TAFA4: variants seen among roughly 807,000 people sequenced by gnomAD.
TAFA4 encodes the protein chemokine-like protein TAFA-4.
TAFA4 carries 20 observed loss-of-function variants against 21.1 expected under a neutral mutation model. The observed-to-expected ratio is 0.95, with a 90% CI of 0.67 to 1.38. TAFA4 has a LOEUF of 1.38. Ranked by LOEUF, TAFA4 falls within the 40% of genes most tolerant of loss-of-function variation. TAFA4 has a pLI of 0.00. For synonymous variants in TAFA4, 71 were observed against 67.4 expected, an observed-to-expected ratio of 1.05 and a Z score of -0.26; for missense variants, 211 against 180.9, an observed-to-expected ratio of 1.17 and a Z score of -0.95.
intron 3 of TAFA4, among the ~76,000 whole-genome samples, chr3:68,844,717 G>C (rs1046583628): frequency 6.6e-6 from 1 of 152,158 alleles, no homozygotes; most frequent in Non-Finnish European, 1.5e-5. Context: ...GGAATGTTGT[G>C]TCTTTGTTCC....
intron 3 of TAFA4, among the ~76,000 whole-genome samples, chr3:68,812,009 G>A (rs1023710132): frequency 6.6e-6 from 1 of 152,094 alleles, no homozygotes; most frequent in African/African-American, 2.4e-5. Flanking sequence ...AAGAGAGTGG[G>A]GGCCAATATT....
chr3:68,827,154 T>C (rs568117784), intron 3 of TAFA4, among the ~76,000 whole-genome samples: 137 of 152,026 alleles, frequency 9.0e-4, no homozygotes, highest in Non-Finnish European at 1.7e-3. Context: ...TCTGTCCTTG[T>C]GATATTTTGC....
intron 1 of TAFA4, among the ~76,000 whole-genome samples, chr3:68,891,128 T>C (rs978011369): frequency 1.3e-5 from 2 of 152,196 alleles, no homozygotes; most frequent in Non-Finnish European, 2.9e-5. Context: ...CTAAAACGTT[T>C]CAGTGAAGAT....
chr3:68,743,993 TCA>T (rs1702405831), intron 4 of TAFA4, among the ~76,000 whole-genome samples: 3 of 152,220 alleles, frequency 2.0e-5, no homozygotes, highest in Admixed American at 1.3e-4. Context: ...CCCCCAGACC[TCA>T]ATTTAAAATA....
At position 68,733,149 on chromosome 3, in the gene TAFA4, G is replaced by T. The variant is rs748497127; in HGVS notation, c.416C>A (p.Thr139Lys). 10 of 1,612,680 alleles carry T rather than the reference G, an allele frequency of 6.2e-6. No homozygotes were observed. The highest frequency in any genetic ancestry group is 8.5e-6 in the Non-Finnish European group (10 of 1,179,282). The change falls in exon 6 of 6, where the codon ACG (threonine) becomes AAG (lysine). Residue 139 changes from threonine (T) to lysine (K), a missense_variant. Thr to Lys is a moderately conservative substitution (Grantham distance 78, BLOSUM62 -1). Coordinates refer to ENST00000295569, the MANE Select transcript of TAFA4 (RefSeq NM_182522.5). ...AGCACACCTCTCTCTTCGCTACCGC[G>T]TTACCTAAAACAAATCAAAATAAGG... ...SGNKVKTTKV[T>K]R is the part of the protein sequence containing the mutation.
chr3:68,836,971 A>C (rs1704536941), intron 3 of TAFA4, among the ~76,000 whole-genome samples: 1 of 152,258 alleles, frequency 6.6e-6, no homozygotes, highest in Non-Finnish European at 1.5e-5. Flanking sequence ...ATAGTTCTCT[A>C]ACACAGGAAT....
chr3:68,773,797 G>C (rs1197575468), intron 3 of TAFA4, among the ~76,000 whole-genome samples: 1 of 152,152 alleles, frequency 6.6e-6, no homozygotes, highest in East Asian at 1.9e-4. Flanking sequence ...TTTGACAGAT[G>C]AAGATTAAGA....
At chr3:68,738,115 G>C (rs1441850490) in intron 5 of TAFA4, among the ~76,000 whole-genome samples, 1 of 152,146 alleles carries the variant, frequency 6.6e-6, no homozygotes, top group Non-Finnish European at 1.5e-5. Context: ...GAGATACAGG[G>C]AGCCTGAATT....
At chr3:68,914,418 T>C (rs1301763217) in intron 1 of TAFA4, among the ~76,000 whole-genome samples, 1 of 152,232 alleles carries the variant, frequency 6.6e-6, no homozygotes, top group African/African-American at 2.4e-5. Context: ...ATGTGAACAT[T>C]CACTAAGCTC....
At chr3:68,796,628 A>C (rs1703458545) in intron 3 of TAFA4, among the ~76,000 whole-genome samples, 1 of 152,228 alleles carries the variant, frequency 6.6e-6, no homozygotes, top group Non-Finnish European at 1.5e-5. Context: ...AAAAGAAAAA[A>C]TAAATTGAAC....
intron 1 of TAFA4, among the ~76,000 whole-genome samples, chr3:68,919,690 A>C (rs2107020257): frequency 6.6e-6 from 1 of 152,352 alleles, no homozygotes; most frequent in Middle Eastern, 3.4e-3. Context: ...AACAGCAAGA[A>C]GTTTGGAACA....
At chr3:68,766,427 T>A (rs1182531066) in intron 3 of TAFA4, among the ~76,000 whole-genome samples, 1 of 152,158 alleles carries the variant, frequency 6.6e-6, no homozygotes, top group Non-Finnish European at 1.5e-5. Flanking sequence ...TGTTAACCTT[T>A]CTGCTATGAT....
intron 3 of TAFA4, among the ~76,000 whole-genome samples, chr3:68,811,530 C>T (rs1575619270): frequency 6.6e-6 from 1 of 152,120 alleles, no homozygotes. Context: ...GATGAATGCA[C>T]AAGCCTTAGT....
intron 3 of TAFA4, among the ~76,000 whole-genome samples, chr3:68,837,789 T>C (rs886854508): frequency 3.9e-5 from 6 of 152,310 alleles, no homozygotes; most frequent in African/African-American, 1.4e-4. Context: ...ATATAAAATA[T>C]CAATGGGAGA....
intron 3 of TAFA4, among the ~76,000 whole-genome samples, chr3:68,767,590 T>C (rs948138861): frequency 6.6e-6 from 1 of 151,986 alleles, no homozygotes; most frequent in African/African-American, 2.4e-5. Flanking sequence ...ATATATAATA[T>C]ATAAAAAGAG....
At chr3:68,848,782 G>A (rs914548147) in intron 3 of TAFA4, among the ~76,000 whole-genome samples, 2 of 152,092 alleles carry the variant, frequency 1.3e-5, no homozygotes, top group Admixed American at 6.5e-5. Flanking sequence ...TAGCCCCTCT[G>A]CCATGTCCTC....
chr3:68,822,179 T>C (rs1212755120), intron 3 of TAFA4, among the ~76,000 whole-genome samples: 1 of 152,242 alleles, frequency 6.6e-6, no homozygotes, highest in Non-Finnish European at 1.5e-5. Context: ...GTGAATGGGA[T>C]ATAAACTGTT....
chr3:68,753,357 A>G (rs1230393583), intron 3 of TAFA4, among the ~76,000 whole-genome samples: 3 of 94,692 alleles, frequency 3.2e-5, no homozygotes, highest in East Asian at 1.2e-3. Flanking sequence ...TTTTTTTGAG[A>G]GAGAATCTCA....
chr3:68,904,563 T>G (rs2089878640), intron 1 of TAFA4, among the ~76,000 whole-genome samples: 1 of 152,108 alleles, frequency 6.6e-6, no homozygotes. Context: ...AACAATGAAG[T>G]GAAATTATCA....
Sources: allele counts gnomAD v4.1 joint callset (sites outside exome capture counted in the v4.1 genomes callset), GRCh38; gene constraint gnomAD v4.1.1; transcripts MANE v1.5; gene names NCBI Gene and HGNC (gene_info 2026-07-23, HGNC 2026-07-21).